Variants in CCL26 observed in about 807,000 individuals in gnomAD.
CCL26 encodes C-C motif chemokine 26.
Under a neutral mutation model 10.7 loss-of-function variants are expected in CCL26, and 10 were observed. That is an observed-to-expected ratio of 0.93 (90% CI 0.57 to 1.58). CCL26 has a LOEUF of 1.58. CCL26 is among the 40% of genes most tolerant of loss of function. CCL26 has a pLI of 0.00. For synonymous variants in CCL26, 43 were observed against 41.4 expected, an observed-to-expected ratio of 1.04 and a Z score of -0.15; for missense variants, 116 against 111.0, an observed-to-expected ratio of 1.05 and a Z score of -0.20.
At position 75,769,720 on chromosome 7, in the gene CCL26, A is replaced by G; in HGVS notation, c.258T>C (p.Ser86=). Residue 86 remains serine, a synonymous_variant, in exon 3 of 3, where the codon TCT becomes TCC. Coordinates refer to ENST00000005180, the MANE Select transcript of CCL26 (RefSeq NM_001371938.1). ...ACAATTGTTTCGGAGTTTTCAGTAA[A>G]GAAATGTATTTTTGCACCCATTTTT... ...PRKKWVQKYI[S]LLKTPKQL The G allele has an allele frequency of 6.2e-7, 1 of 1,612,362 alleles. No individual in the cohort carries two copies. Among genetic ancestry groups the G allele is most frequent in the South Asian group, 1.1e-5 (1 of 91,048 alleles).
chr7:75,778,884 C>T (rs1369308444), intron 1 of CCL26, among the ~76,000 whole-genome samples: 1 of 151,966 alleles, frequency 6.6e-6, no homozygotes, highest in Non-Finnish European at 1.5e-5. Flanking sequence ...AGTTCAAGAC[C>T]AGCCTGACCA....
chr7:75,774,352 T>C (rs566171778), upstream of CCL26, among the ~76,000 whole-genome samples: 27 of 152,232 alleles, frequency 1.8e-4, 1 homozygote, highest in South Asian at 3.3e-3. Context: ...TTTCACCATG[T>C]TGGTCAGTCT....
At chr7:75,777,930 G>C (rs1180960244) in intron 1 of CCL26, among the ~76,000 whole-genome samples, 1 of 150,710 alleles carries the variant, frequency 6.6e-6, no homozygotes, top group East Asian at 2.0e-4. Context: ...TGTTTGTCCA[G>C]GCTGGTCTCG....
intron 1 of CCL26, among the ~76,000 whole-genome samples, chr7:75,780,714 G>T (rs1478967835): frequency 1.3e-5 from 2 of 151,946 alleles, no homozygotes; most frequent in Non-Finnish European, 2.9e-5. Context: ...TGTCCCCTCA[G>T]TCCCAACCCC....
chr7:75,783,528 G>A (rs1039027594), intron 1 of CCL26, among the ~76,000 whole-genome samples: 1 of 152,086 alleles, frequency 6.6e-6, no homozygotes, highest in African/African-American at 2.4e-5. Flanking sequence ...AGCCAGGCAC[G>A]GTGGCTCACG....
intron 1 of CCL26, among the ~76,000 whole-genome samples, chr7:75,785,864 A>T (rs1554529940): frequency 6.6e-6 from 1 of 152,134 alleles, no homozygotes; most frequent in East Asian, 1.9e-4. Context: ...GAATTCTTAC[A>T]CAAGGACCGG....
At chr7:75,789,127 G>A (rs541015286) in intron 1 of CCL26, among the ~76,000 whole-genome samples, 1 of 144,516 alleles carries the variant, frequency 6.9e-6, no homozygotes, top group Admixed American at 7.0e-5. Context: ...GAGATGTGGC[G>A]GGCGGGGGGG....
At chr7:75,776,677 C>T (rs1313915734), upstream of CCL26, among the ~76,000 whole-genome samples, 1 of 152,096 alleles carries the variant, frequency 6.6e-6, no homozygotes, top group Non-Finnish European at 1.5e-5. Context: ...AGGAAACCCA[C>T]ATGGTGAATA....
chr7:75,779,009 T>A lies in CCL26; in HGVS notation c.-78-6755A>T, dbSNP rs547259662. Among the ~76,000 whole-genome samples the A allele has an allele frequency of 3.3e-5, 5 of 152,188 alleles. No homozygotes were observed. The East Asian group carries it at 9.7e-4, about 29-fold the overall frequency. On this transcript the variant is annotated intron_variant, in intron 1 of 3. Coordinates refer to the CCL26 transcript ENST00000394905. ...AGTAACTGAAGAATCACAAAAGAAG[T>A]GAAAATGGCCTGTTCCTGCCTTAAC...
Position 75,772,173 on chromosome 7 carries a change from T to C in CCL26, c.4A>G (p.Met2Val), listed in dbSNP as rs1554528225. 41 of 1,550,660 alleles carry C rather than the reference T, an allele frequency of 2.6e-5. No homozygotes were observed. The highest frequency in any genetic ancestry group is 4.9e-5 in the East Asian group (2 of 40,942). The stretch of plus-strand genomic sequence containing the variant: ...ACAGCAGAGGCCAAGGAGAGGCCCA[T>C]CATGATGCTGCAAATCAGGCCCTTC... The part of the protein sequence containing the change: M[M>V]GLSLASAVLL... The change falls in exon 1 of 3, where the codon ATG (methionine) becomes GTG (valine). Residue 2 changes from methionine (M) to valine (V), a missense_variant. Coordinates refer to ENST00000005180, the MANE Select transcript of CCL26 (RefSeq NM_001371938.1).
chr7:75,790,252 T>C (rs1353653724), upstream of CCL26, among the ~76,000 whole-genome samples: 4 of 137,018 alleles, frequency 2.9e-5, no homozygotes, highest in Non-Finnish European at 6.3e-5. Flanking sequence ...CCTCCCTCCC[T>C]CCCTCCCTCC....
intron 1 of CCL26, among the ~76,000 whole-genome samples, chr7:75,786,118 C>G (rs1554529964): frequency 6.6e-6 from 1 of 152,158 alleles, no homozygotes; most frequent in African/African-American, 2.4e-5. Context: ...GTTGAGTCTC[C>G]CACAATTACC....
At chr7:75,784,496 A>G (rs1803138115) in intron 1 of CCL26, among the ~76,000 whole-genome samples, 1 of 152,096 alleles carries the variant, frequency 6.6e-6, no homozygotes. Context: ...TTCTTAATCA[A>G]TACAGAGGCT....
intron 1 of CCL26, among the ~76,000 whole-genome samples, chr7:75,789,260 A>G (rs1203388995): frequency 1.3e-5 from 2 of 151,628 alleles, no homozygotes; most frequent in Non-Finnish European, 2.9e-5. Context: ...ACTTTTCTAT[A>G]TGTATATTAT....
intron 1 of CCL26, among the ~76,000 whole-genome samples, chr7:75,779,626 G>A (rs554976840): frequency 3.6e-4 from 55 of 152,276 alleles, no homozygotes; most frequent in African/African-American, 3.6e-4. Flanking sequence ...CCAAAACTCC[G>A]GCTCCAGTCA....
At chr7:75,777,836 T>TG (rs1310560576) in intron 1 of CCL26, among the ~76,000 whole-genome samples, 3 of 151,786 alleles carry the variant, frequency 2.0e-5, no homozygotes, top group Admixed American at 1.3e-4. Flanking sequence ...TTTTTTTTTT[T>TG]TGAGATGGAG....
At chr7:75,775,393 C>T (rs7783916), upstream of CCL26, among the ~76,000 whole-genome samples, 44,686 of 151,858 alleles carry the variant, frequency 0.29, 7,167 homozygotes, top group African/African-American at 0.43. Context: ...CTCCAGCAGG[C>T]CCTGAGACAA....
intron 1 of CCL26, among the ~76,000 whole-genome samples, chr7:75,777,480 G>T: frequency 6.6e-6 from 1 of 152,138 alleles, no homozygotes; most frequent in African/African-American, 2.4e-5. Flanking sequence ...AGGTGTAGTG[G>T]CTCACACTGC....
At chr7:75,773,339 G>C (rs185992782), upstream of CCL26, among the ~76,000 whole-genome samples, 167 of 151,630 alleles carry the variant, frequency 1.1e-3, 1 homozygote, top group African/African-American at 3.8e-3. Flanking sequence ...CAGGAGAATC[G>C]CTTGAATGCA....
Sources: gnomAD v4.1 joint callset for allele counts (sites outside exome capture counted in the v4.1 genomes callset) on GRCh38, gnomAD v4.1.1 for gene constraint, MANE v1.5 for transcripts, NCBI Gene and HGNC (gene_info 2026-07-23, HGNC 2026-07-21) for gene names.